COL6A2: variants seen among roughly 807,000 people sequenced by gnomAD.
COL6A2 encodes collagen alpha-2(VI) chain.
COL6A2 carries 90 observed loss-of-function variants against 124.9 expected under a neutral mutation model. The observed-to-expected ratio is 0.72, with a 90% CI of 0.61 to 0.86. COL6A2 has a LOEUF of 0.86. Among genes scored for constraint, COL6A2 ranks in the 40% least tolerant of loss-of-function variants. COL6A2 has a pLI of 0.00. For missense variants in COL6A2, 1,607 were observed against 1,502.5 expected (o/e 1.07, Z -1.15); for synonymous variants, 793 against 618.2 (o/e 1.28, Z -4.19).
At chr21:46,126,476 TGGCCC>T in intron 26 of COL6A2, 22 bp from the exon 27 acceptor site, 1 of 1,611,510 alleles carries the variant, frequency 6.2e-7, no homozygotes, top group Non-Finnish European at 8.5e-7. Flanking sequence ...GACCCTGGCC[TGGCCC>T]GGCCTCTCTC....
At chr21:46,128,189 G>C (rs2078702741) in intron 27 of COL6A2, among the ~76,000 whole-genome samples, 1 of 152,172 alleles carries the variant, frequency 6.6e-6, no homozygotes, top group South Asian at 2.1e-4. Context: ...CACAGGGAAA[G>C]CAGCCAGGGA....
Position 46,126,483 on chromosome 21 carries a change from G to GCCTCTCT in COL6A2, c.2423-12_2423-6dup. ...TAGGGACTGACCCTGGCCTGGCCCG[G>GCCTCTCT]CCTCTCTCCTCTCTTCCAGACCCTC... On this transcript the variant is annotated intron_variant, in intron 26 of 27. Coordinates refer to ENST00000300527, the MANE Select transcript of COL6A2 (RefSeq NM_001849.4). The GCCTCTCT allele has an allele frequency of 5.0e-6, 8 of 1,613,134 alleles. No homozygotes were observed. The highest frequency in any genetic ancestry group is 6.8e-6 in the Non-Finnish European group (8 of 1,179,614).
Position 46,111,863 on chromosome 21 carries a change from G to A in COL6A2, c.116-116G>A, listed in dbSNP as rs575106113. 14 of 1,143,488 alleles carry A rather than the reference G, an allele frequency of 1.2e-5. 1 individual carries two copies. In the East Asian group the frequency reaches 2.9e-4, roughly 23 times the overall value. The allele number at this position is 1,143,488 out of a possible 1,614,324, so 70.8% of individuals were successfully genotyped here. Reference sequence around the variant, plus strand: ...AGGTGCCAGGGGTTGGGGGCCGGGGGCTCTGGCATTCGGGGGCAGTGAGGT... The same window carrying A: ...AGGTGCCAGGGGTTGGGGGCCGGGGACTCTGGCATTCGGGGGCAGTGAGGT... On this transcript the variant is annotated intron_variant, in intron 2 of 27. Transcript: ENST00000300527.
rs551522252 is a variant in COL6A2, at chr21:46,120,472, G to A, written c.1333-43G>A. On this transcript the variant is annotated intron_variant, in intron 15 of 27. Transcript: ENST00000300527. ...CCTCTCACATGGGACCCAGGCCGGA[G>A]GCCTCAGCTGAGACCCGTGGGGCCT... The A allele has an allele frequency of 3.5e-5, 53 of 1,497,100 alleles. 1 individual carries two copies. In the African/African-American group the frequency reaches 4.2e-4, roughly 12 times the overall value. The allele number at this position is 1,497,100 out of a possible 1,614,324, so 92.7% of individuals were successfully genotyped here. A position where few individuals can be genotyped will look rare whatever the true frequency, so the allele number is the denominator to read the frequency against.
At chr21:46,099,742 G>A (rs1304901893) in intron 1 of COL6A2, among the ~76,000 whole-genome samples, 1 of 152,190 alleles carries the variant, frequency 6.6e-6, no homozygotes, top group Non-Finnish European at 1.5e-5. Context: ...CTGCAGTGGA[G>A]GCTGTAATGG....
At chr21:46,109,028 T>C (rs577841164) in intron 1 of COL6A2, among the ~76,000 whole-genome samples, 1 of 152,274 alleles carries the variant, frequency 6.6e-6, no homozygotes, top group Admixed American at 6.5e-5. Flanking sequence ...TCTTGTCAAA[T>C]GTTCAGCTCT....
At chr21:46,122,459 T>C (rs751695252) in intron 19 of COL6A2, 37 bp from the exon 20 acceptor site, 14 of 1,612,638 alleles carry the variant, frequency 8.7e-6, no homozygotes, top group Non-Finnish European at 8.5e-6. Context: ...CACTGGGATC[T>C]GAGGCTGAGT....
At chr21:46,105,495 A>T (rs1347736468) in intron 1 of COL6A2, among the ~76,000 whole-genome samples, 1 of 152,224 alleles carries the variant, frequency 6.6e-6, no homozygotes, top group Non-Finnish European at 1.5e-5. Context: ...TTTCTACATA[A>T]TTTAAGAGAC....
rs1202101947 is a variant in COL6A2, at chr21:46,125,459, C to T, written c.1817-6C>T. On this transcript the variant is annotated splice_region_variant and splice_polypyrimidine_tract_variant and intron_variant, in intron 24 of 27. Coordinates refer to ENST00000300527, the MANE Select transcript of COL6A2 (RefSeq NM_001849.4). ...GTACCCCCCGATGACCCTGCCACCC[C>T]CCCAGACTGTGAGAAGCGCTGTGGC... is the stretch of plus-strand genomic sequence containing the variant. The T allele has an allele frequency of 5.0e-6, 8 of 1,612,744 alleles. No homozygotes were observed. In the South Asian group the frequency reaches 6.6e-5, roughly 13 times the overall value.
intron 23 of COL6A2, 41 bp from the exon 24 acceptor site, chr21:46,125,225 G>A: frequency 6.2e-7 from 1 of 1,600,648 alleles, no homozygotes; most frequent in Non-Finnish European, 8.5e-7. Context: ...AACTCTTCTG[G>A]GGCCCCGGGG....
At chr21:46,120,183 CAG>C (rs1439290527) in intron 15 of COL6A2, among the ~76,000 whole-genome samples, 2 of 139,018 alleles carry the variant, frequency 1.4e-5, no homozygotes, top group African/African-American at 5.0e-5. Context: ...CACGTGACCT[CAG>C]GGGTGATGCT....
chr21:46,130,435 T>C lies in COL6A2; in HGVS notation c.2462-1519T>C, dbSNP rs1299944853. ...GGAGCCCTCATCCAGGCTGGGCTCC[T>C]GCCGGGCACGGCTGTGACCATTTCT... On this transcript the variant is annotated intron_variant, in intron 27 of 27. Transcript: ENST00000300527. Among the ~76,000 whole-genome samples, 4 of 152,208 alleles carry C rather than the reference T, an allele frequency of 2.6e-5. No homozygotes were observed. In the South Asian group the frequency reaches 8.3e-4, roughly 32 times the overall value.
intron 18 of COL6A2, 55 bp downstream of exon 18, chr21:46,121,673 GAGC>G (rs2078568905): frequency 1.9e-6 from 3 of 1,580,114 alleles, no homozygotes; most frequent in South Asian, 1.1e-5. Flanking sequence ...GCTGCCTGAG[GAGC>G]AGGACAGGGG....
At chr21:46,113,944 C>A in intron 4 of COL6A2, 64 bp from the exon 5 acceptor site, 1 of 1,379,488 alleles carries the variant, frequency 7.2e-7, no homozygotes, top group Non-Finnish European at 1.0e-6. Context: ...GTTCTGAGAC[C>A]CTGCCCTGCC....
intron 1 of COL6A2, among the ~76,000 whole-genome samples, chr21:46,100,126 C>T (rs1272642369): frequency 6.6e-6 from 1 of 151,828 alleles, no homozygotes; most frequent in African/African-American, 2.4e-5. Context: ...GAGACAGGGT[C>T]TTGCTCTGTC....
At chr21:46,100,142 G>C (rs2078273487) in intron 1 of COL6A2, among the ~76,000 whole-genome samples, 1 of 151,962 alleles carries the variant, frequency 6.6e-6, no homozygotes, top group South Asian at 2.1e-4. Flanking sequence ...CTGTCACCCA[G>C]GCTGGAGTGT....
rs1221541120 is a variant in COL6A2, at chr21:46,132,480, G to A, written c.2988G>A (p.Val996=). ...TTLSLGDRAA[V]FHEKDYDSLA... ...TCAGCCTGGGTGACCGCGCCGCCGT[G>A]TTCCACGAGAAGGACTATGACAGCC... Residue 996 remains valine, a synonymous_variant, in exon 28 of 28, where the codon GTG becomes GTA. Transcript: ENST00000300527. 5.6e-6 allele frequency: 9 copies of A among 1,607,044 alleles called. No homozygotes were observed. The highest frequency in any genetic ancestry group is 7.6e-6 in the Non-Finnish European group (9 of 1,178,166).
intron 5 of COL6A2, among the ~76,000 whole-genome samples, 167 bp downstream of exon 5, chr21:46,114,240 C>T (rs1434256729): frequency 2.0e-5 from 3 of 151,978 alleles, no homozygotes; most frequent in African/African-American, 2.4e-5. Flanking sequence ...TCCTGGCTAA[C>T]ATGGTGAAAC....
rs2123662188 is a variant in COL6A2 at position 46,125,587 on chromosome 21, G to A, written c.1939G>A (p.Ala647Thr). The change falls in exon 25 of 28, where the codon GCC (alanine) becomes ACC (threonine). Residue 647 changes from alanine to threonine, a missense_variant. Ala to Thr is a moderately conservative substitution (Grantham distance 58). Transcript: ENST00000300527. ...CATCAACGTGGTCAACAGGCTGGGT[G>A]CCATCGCTAAGGACCCCAAGTCCGA... The part of the protein sequence containing the change: ...FVINVVNRLG[A>T]IAKDPKSETG... 1.2e-6 allele frequency: 2 copies of A among 1,612,672 alleles called. No homozygotes were observed. The highest frequency in any genetic ancestry group is 1.3e-5 in the African/African-American group (1 of 75,032).
Sources: allele counts gnomAD v4.1 joint callset (sites outside exome capture counted in the v4.1 genomes callset), GRCh38; gene constraint gnomAD v4.1.1; transcripts MANE v1.5; gene names NCBI Gene and HGNC (gene_info 2026-07-23, HGNC 2026-07-21).